Variants in ZNF91 observed in about 807,000 individuals in gnomAD.
The protein encoded by ZNF91 is zinc finger protein 91, also known as zinc finger protein 91 (HPF7, HTF10).
Under a neutral mutation model 12.6 loss-of-function variants are expected in ZNF91, and 7 were observed. The observed-to-expected ratio is 0.55, with a 90% CI of 0.31 to 1.04. The LOEUF is 1.04. ZNF91 is among the 50% of genes least tolerant of loss of function. The pLI is 0.05. For missense variants in ZNF91, 1,217 were observed against 1,385.4 expected, an observed-to-expected ratio of 0.88 and a Z score of 1.93; for synonymous variants, 453 against 462.6, an observed-to-expected ratio of 0.98 and a Z score of 0.27.
intron 1 of ZNF91, among the ~76,000 whole-genome samples, chr19:23,386,894 T>C (rs1262023119): frequency 6.6e-6 from 1 of 152,174 alleles, no homozygotes; most frequent in African/African-American, 2.4e-5. Context: ...TAGAAAATAT[T>C]TGCAAACTAT....
At chr19:23,308,218 C>A (rs1967423629) in intron 2 of ZNF91, 1 of 152,154 alleles carries the variant, frequency 6.6e-6, no homozygotes, top group Non-Finnish European at 1.5e-5. Flanking sequence ...CCACAGAAGA[C>A]CTTGTGACAT....
At chr19:23,383,083 C>A (rs1209272552) in intron 1 of ZNF91, among the ~76,000 whole-genome samples, 2 of 152,114 alleles carry the variant, frequency 1.3e-5, no homozygotes, top group Non-Finnish European at 2.9e-5. Context: ...AACACTGATA[C>A]AAAAATCTTC....
intron 1 of ZNF91, among the ~76,000 whole-genome samples, chr19:23,391,053 T>C (rs546693021): frequency 1.3e-5 from 2 of 152,344 alleles, no homozygotes; most frequent in African/African-American, 4.8e-5. Context: ...AAATGGTAAT[T>C]GTTTTTAGTT....
chr19:23,353,752 G>A (rs1193180223), downstream of ZNF91, among the ~76,000 whole-genome samples: 1 of 152,178 alleles, frequency 6.6e-6, no homozygotes, highest in African/African-American at 2.4e-5. Flanking sequence ...ACTGAGAAAT[G>A]AAACAGGAGA....
At chr19:23,379,679 G>A (rs1423720805) in intron 1 of ZNF91, among the ~76,000 whole-genome samples, 1 of 152,220 alleles carries the variant, frequency 6.6e-6, no homozygotes, top group Admixed American at 6.5e-5. Context: ...AGGTAGTTTT[G>A]CAACTTGAAG....
intron 1 of ZNF91, among the ~76,000 whole-genome samples, chr19:23,377,319 T>G (rs1969538787): frequency 6.6e-6 from 1 of 152,224 alleles, no homozygotes; most frequent in Admixed American, 6.5e-5. Flanking sequence ...AGATGCTATC[T>G]TCAGAACATT....
At chr19:23,307,919 CTGTATAT>C (rs1345247462) in intron 2 of ZNF91, 1 of 152,228 alleles carries the variant, frequency 6.6e-6, no homozygotes, top group African/African-American at 2.4e-5. Context: ...TCTGTATACA[CTGTATAT>C]TGTGACATAT....
intron 3 of ZNF91, among the ~76,000 whole-genome samples, chr19:23,365,292 T>G (rs1968956600): frequency 7.6e-6 from 1 of 130,956 alleles, no homozygotes; most frequent in Non-Finnish European, 1.6e-5. Context: ...ACTAGCACAG[T>G]TCTACAAAAA....
upstream of ZNF91, among the ~76,000 whole-genome samples, chr19:23,313,442 T>G (rs1208653728): frequency 6.6e-6 from 1 of 152,206 alleles, no homozygotes; most frequent in Non-Finnish European, 1.5e-5. Context: ...TTTTATGTTC[T>G]TCCCTCAGGG....
At chr19:23,393,540 A>G (rs1292453897) in intron 1 of ZNF91, among the ~76,000 whole-genome samples, 1 of 152,198 alleles carries the variant, frequency 6.6e-6, no homozygotes, top group Non-Finnish European at 1.5e-5. Context: ...CCTGACCCAA[A>G]AACATTCTGG....
downstream of ZNF91, among the ~76,000 whole-genome samples, chr19:23,335,121 T>C (rs1967982805): frequency 6.6e-6 from 1 of 152,188 alleles, no homozygotes; most frequent in African/African-American, 2.4e-5. Flanking sequence ...TGGGTACCAG[T>C]AGAGGCTGCA....
intron 3 of ZNF91, among the ~76,000 whole-genome samples, chr19:23,369,388 G>A (rs979434217): frequency 2.0e-5 from 3 of 151,660 alleles, no homozygotes; most frequent in African/African-American, 7.3e-5. Flanking sequence ...GGAGGGAGGT[G>A]GGGTGCGCCT....
At chr19:23,319,549 C>T (rs1381526093) in intron 1 of ZNF91, among the ~76,000 whole-genome samples, 2 of 150,656 alleles carry the variant, frequency 1.3e-5, no homozygotes, top group Admixed American at 1.3e-4. Context: ...TGCCTGGGCC[C>T]TGCCCAGTGG....
chr19:23,317,518 C>T (rs191197924), intron 1 of ZNF91, among the ~76,000 whole-genome samples: 1 of 152,270 alleles, frequency 6.6e-6, no homozygotes, highest in Non-Finnish European at 1.5e-5. Flanking sequence ...GCATAAAGCC[C>T]TCTGGTGCTA....
intron 3 of ZNF91, among the ~76,000 whole-genome samples, chr19:23,363,510 C>T (rs771873261): frequency 1.1e-4 from 16 of 152,142 alleles, no homozygotes; most frequent in Non-Finnish European, 1.5e-4. Flanking sequence ...CAACACATAT[C>T]CTAAGAACAT....
rs538993504 is a variant in ZNF91, at chr19:23,324,608, G to A, written n.117-15511C>T. The A allele has an allele frequency of 2.6e-5, 4 of 151,634 alleles. No individual in the cohort carries two copies. The East Asian group carries it at 7.8e-4, about 29-fold the overall frequency. The allele number at this position is 151,634 out of a possible 1,614,324, so 9.4% of individuals were successfully genotyped here. A position where few individuals can be genotyped will look rare whatever the true frequency, so the allele number is the denominator to read the frequency against. The stretch of plus-strand genomic sequence containing the variant: ...ATATATATTTATAGATATATTCTAT[G>A]AGAAATAATCTTGCTCTGTCACCTA... On this transcript the variant is annotated intron_variant and non_coding_transcript_variant, in intron 1 of 1. Coordinates refer to the ZNF91 transcript ENST00000596528.
At chr19:23,331,603 C>T (rs533094657) in intron 1 of ZNF91, among the ~76,000 whole-genome samples, 8 of 152,240 alleles carry the variant, frequency 5.3e-5, no homozygotes, top group Admixed American at 1.3e-4. Context: ...TCATCTTCTC[C>T]GTTTCTCATG....
chr19:23,358,663 G>A lies in ZNF91; in HGVS notation c.*740C>T, dbSNP rs1968567212. 1 of 154,182 alleles carries A rather than the reference G, an allele frequency of 6.5e-6. No homozygotes were observed. Among genetic ancestry groups the A allele is most frequent in the South Asian group, 2.0e-4 (1 of 4,918 alleles). 9.6% of individuals were successfully genotyped at this position (154,182 alleles called of 1,614,324 possible). On this transcript the variant is annotated 3_prime_UTR_variant, in exon 4 of 4. Coordinates refer to ENST00000300619, the MANE Select transcript of ZNF91 (RefSeq NM_003430.4). ...AATGCTTTCCTATGCATTAAGGTGT[G>A]AGCATTAGTTCAAAGCTTGGCCACA...
intron 1 of ZNF91, among the ~76,000 whole-genome samples, chr19:23,330,759 T>C (rs1026623484): frequency 6.6e-6 from 1 of 152,208 alleles, no homozygotes; most frequent in Non-Finnish European, 1.5e-5. Flanking sequence ...GGTGAAGGGA[T>C]GCTGGGAAGA....
Sources: allele counts gnomAD v4.1 joint callset (sites outside exome capture counted in the v4.1 genomes callset), GRCh38; gene constraint gnomAD v4.1.1; transcripts MANE v1.5; gene names NCBI Gene and HGNC (gene_info 2026-07-23, HGNC 2026-07-21).